Variants in LRMDA observed in about 807,000 individuals in gnomAD.
LRMDA encodes leucine rich melanocyte differentiation associated, also known as leucine-rich melanocyte differentiation-associated protein.
In LRMDA, 18 loss-of-function variants were observed where a neutral mutation model predicts 29.8. The ratio of observed to expected loss-of-function variants is 0.60; its 90% CI spans 0.42 to 0.90. The LOEUF is 0.90. Ranked by LOEUF, LRMDA falls within the 40% of genes least tolerant of loss-of-function variation. LRMDA has a pLI of 0.00. For synonymous variants in LRMDA, 125 were observed against 109.4 expected (o/e 1.14, Z -0.89); for missense variants, 273 against 273.9 (o/e 1.00, Z 0.02).
chr10:75,837,411 A>G (rs530193896), intron 2 of LRMDA, among the ~76,000 whole-genome samples: 1 of 152,166 alleles, frequency 6.6e-6, no homozygotes, highest in Non-Finnish European at 1.5e-5. Flanking sequence ...AGAAATGTCA[A>G]ACATTTTCAT....
intron 6 of LRMDA, among the ~76,000 whole-genome samples, chr10:76,377,637 T>A (rs1841537725): frequency 6.6e-6 from 1 of 152,226 alleles, no homozygotes; most frequent in African/African-American, 2.4e-5. Flanking sequence ...AAATATGATG[T>A]CCTTTCTCCA....
chr10:75,961,611 G>A (rs755802752), intron 2 of LRMDA, among the ~76,000 whole-genome samples: 5 of 152,188 alleles, frequency 3.3e-5, no homozygotes, highest in Admixed American at 6.5e-5. Flanking sequence ...CTTCTCAGTC[G>A]AGGGGTATAG....
chr10:75,438,544 C>T, intron 2 of LRMDA, 50 bp downstream of exon 2: 2 of 1,424,240 alleles, frequency 1.4e-6, no homozygotes, highest in Non-Finnish European at 1.9e-6. Context: ...CCCAGTCCTC[C>T]TGGGTACTTT....
intron 6 of LRMDA, among the ~76,000 whole-genome samples, chr10:76,540,479 G>A (rs371037639): frequency 7.2e-5 from 11 of 152,210 alleles, no homozygotes; most frequent in Admixed American, 2.6e-4. Context: ...TCTGTAATGC[G>A]AGTCATGAAT....
chr10:75,689,576 T>C (rs1212426705), intron 2 of LRMDA, among the ~76,000 whole-genome samples: 1 of 152,168 alleles, frequency 6.6e-6, no homozygotes, highest in Admixed American at 6.5e-5. Context: ...GAATTCTGCA[T>C]ATTTCCAAGG....
At position 76,332,047 on chromosome 10, in the gene LRMDA, C is replaced by T. The variant is rs546835431; in HGVS notation, c.601+7562C>T. ...CCTTGCTGAAATGGTTTAAAAACTC[C>T]GGTCTGGGTCATCAAATTCATCTCC... On this transcript the variant is annotated intron_variant, in intron 6 of 6. Coordinates refer to ENST00000611255, the MANE Select transcript of LRMDA (RefSeq NM_001305581.2). 3.3e-5 allele frequency among the ~76,000 whole-genome samples: 5 copies of T among 152,282 alleles called. 1 individual carries two copies. The highest frequency in any genetic ancestry group is 4.2e-4 in the South Asian group (2 of 4,814).
chr10:75,527,302 T>C (rs7089034), intron 2 of LRMDA, among the ~76,000 whole-genome samples: 151,688 of 152,340 alleles, frequency 1, 75,524 homozygotes, highest in Middle Eastern at 1. Flanking sequence ...TATCTGGGTT[T>C]TGGGTTGATT....
chr10:76,515,692 G>C (rs573178839), intron 6 of LRMDA, among the ~76,000 whole-genome samples: 4 of 152,064 alleles, frequency 2.6e-5, no homozygotes, highest in Admixed American at 6.6e-5. Flanking sequence ...TTTTTGTAGA[G>C]ACATAGTTTT....
chr10:75,508,267 C>A (rs537928973), intron 2 of LRMDA, among the ~76,000 whole-genome samples: 1 of 151,910 alleles, frequency 6.6e-6, no homozygotes, highest in Admixed American at 6.6e-5. Flanking sequence ...GTGTTTTTTT[C>A]CCCCCCTCTC....
intron 2 of LRMDA, among the ~76,000 whole-genome samples, chr10:75,962,576 TG>T (rs896482824): frequency 6.6e-5 from 10 of 152,194 alleles, no homozygotes; most frequent in Non-Finnish European, 1.5e-4. Flanking sequence ...CACTGCCCCA[TG>T]CACATGGCCT....
chr10:75,522,944 G>T (rs1221166705), intron 2 of LRMDA, among the ~76,000 whole-genome samples: 1 of 152,176 alleles, frequency 6.6e-6, no homozygotes, highest in Admixed American at 6.5e-5. Flanking sequence ...GAGCCTGAGG[G>T]CTTGGGTGCC....
intron 2 of LRMDA, among the ~76,000 whole-genome samples, chr10:76,007,978 G>A (rs867472379): frequency 2.6e-5 from 4 of 152,178 alleles, no homozygotes; most frequent in Admixed American, 6.5e-5. Flanking sequence ...TGAGTGTTCC[G>A]AACTGTGGGG....
rs1300198531 is a variant in LRMDA at position 75,438,440 on chromosome 10, G to T, written c.77G>T (p.Gly26Val). The change falls in exon 2 of 7, where the codon GGC becomes GTC. Residue 26 changes from glycine (G) to valine (V), a missense_variant. By Grantham distance (109) the Gly-to-Val change is moderately radical. Transcript: ENST00000611255. ...TGCAGAGAAATTCCAGAGCACCTTG[G>T]CAGGGACTGTGGACATTTCGCAAAG... ...QDCREIPEHL[G>V]RDCGHFAKRL... The T allele has an allele frequency of 2.6e-6, 4 of 1,550,866 alleles. No homozygotes were observed. Among genetic ancestry groups the T allele is most frequent in the Non-Finnish European group, 1.7e-6 (2 of 1,147,088 alleles).
chr10:75,492,118 T>G (rs1426257188), intron 2 of LRMDA, among the ~76,000 whole-genome samples: 1 of 152,248 alleles, frequency 6.6e-6, no homozygotes, highest in Non-Finnish European at 1.5e-5. Flanking sequence ...CCCTTTTTCT[T>G]ACATCCGTCA....
intron 2 of LRMDA, among the ~76,000 whole-genome samples, chr10:75,557,692 G>A (rs147744580): frequency 9.2e-5 from 14 of 152,260 alleles, no homozygotes; most frequent in African/African-American, 2.2e-4. Flanking sequence ...GGATTGAGGC[G>A]AGTGGCCAGA....
At chr10:75,439,004 C>T (rs1326733460) in intron 2 of LRMDA, among the ~76,000 whole-genome samples, 52 of 152,206 alleles carry the variant, frequency 3.4e-4, no homozygotes, top group Non-Finnish European at 8.8e-5. Context: ...TAATTTCTCC[C>T]GGATGGTGTT....
rs536355685 is a variant in LRMDA at position 76,425,067 on chromosome 10, C to T, written c.601+100582C>T. 2.6e-5 allele frequency among the ~76,000 whole-genome samples: 4 copies of T among 152,282 alleles called. No homozygotes were observed. In the South Asian group the frequency reaches 6.2e-4, roughly 24 times the overall value. ...AGTTGTTGTATTTGAGATGCTGGAA[C>T]GTGGAGATGCAATGCAGTGAACTCA... On this transcript the variant is annotated intron_variant, in intron 6 of 6. Coordinates refer to ENST00000611255, the MANE Select transcript of LRMDA (RefSeq NM_001305581.2).
intron 2 of LRMDA, among the ~76,000 whole-genome samples, chr10:75,514,592 C>T (rs1018139433): frequency 6.6e-6 from 1 of 152,244 alleles, no homozygotes; most frequent in Non-Finnish European, 1.5e-5. Flanking sequence ...TGGCTTGATA[C>T]TGTCCTTGTG....
At chr10:75,550,170 ATTG>A (rs1211755167) in intron 2 of LRMDA, among the ~76,000 whole-genome samples, 1 of 152,126 alleles carries the variant, frequency 6.6e-6, no homozygotes, top group East Asian at 1.9e-4. Flanking sequence ...GGATTCTGCT[ATTG>A]TTGGTTGGAA....
Sources: allele counts gnomAD v4.1 joint callset (sites outside exome capture counted in the v4.1 genomes callset), GRCh38; gene constraint gnomAD v4.1.1; transcripts MANE v1.5; gene names NCBI Gene and HGNC (gene_info 2026-07-23, HGNC 2026-07-21).